The following TMEM132D variants were observed in gnomAD, a reference collection of about 807,000 sequenced individuals.
TMEM132D encodes mature OL transmembrane protein.
Under a neutral mutation model 62.3 loss-of-function variants are expected in TMEM132D, and 21 were observed. That is an observed-to-expected ratio of 0.34 (90% CI 0.24 to 0.49). The LOEUF is 0.49. Among genes scored for constraint, TMEM132D ranks in the 20% least tolerant of loss-of-function variants. The pLI is 0.99. For synonymous variants in TMEM132D, 621 were observed against 575.6 expected, an observed-to-expected ratio of 1.08 and a Z score of -1.13; for missense variants, 1,346 against 1,402.8, an observed-to-expected ratio of 0.96 and a Z score of 0.65.
In TMEM132D at chr12:129,408,000, C is replaced by T. The variant is rs182639792; in HGVS notation, c.1116-70183G>A. Among the ~76,000 whole-genome samples, 341 of 152,282 alleles carry T rather than the reference C, an allele frequency of 2.2e-3. 1 individual carries two copies. Among genetic ancestry groups the T allele is most frequent in the Non-Finnish European group, 2.7e-3 (186 of 68,026 alleles). On this transcript the variant is annotated intron_variant, in intron 3 of 8. Coordinates refer to ENST00000422113, the MANE Select transcript of TMEM132D (RefSeq NM_133448.3). ...CCTGTAGCCTAACTTCACCCCACCTCCTTCTTACCCTGGGGCTTCACTATA... is the reference window on the plus strand; with the variant it reads ...CCTGTAGCCTAACTTCACCCCACCTTCTTCTTACCCTGGGGCTTCACTATA...
At chr12:129,513,804 T>TTTTA (rs201593908) in intron 3 of TMEM132D, among the ~76,000 whole-genome samples, 28,474 of 133,884 alleles carry the variant, frequency 0.21, 3,440 homozygotes, top group Middle Eastern at 0.31. Flanking sequence ...CAATTTTTAT[T>TTTTA]TTTATTTATT....
intron 2 of TMEM132D, among the ~76,000 whole-genome samples, chr12:129,648,668 C>G (rs1429876492): frequency 1.3e-5 from 2 of 152,118 alleles, no homozygotes; most frequent in Non-Finnish European, 2.9e-5. Flanking sequence ...TATCTATGTT[C>G]AATTGGTATA....
intron 5 of TMEM132D, 53 bp from the exon 6 acceptor site, chr12:129,084,755 T>C (rs1264234192): frequency 8.3e-6 from 13 of 1,574,976 alleles, no homozygotes; most frequent in Non-Finnish European, 1.1e-5. Flanking sequence ...TTCATCCCGT[T>C]GCATGGCCCA....
At chr12:129,669,115 C>T (rs1880443424) in intron 2 of TMEM132D, among the ~76,000 whole-genome samples, 1 of 152,212 alleles carries the variant, frequency 6.6e-6, no homozygotes, top group Non-Finnish European at 1.5e-5. Flanking sequence ...AGAGTTCTAT[C>T]AAAGCCAATT....
intron 2 of TMEM132D, among the ~76,000 whole-genome samples, chr12:129,613,252 A>G (rs931190915): frequency 1.3e-5 from 2 of 151,898 alleles, no homozygotes; most frequent in Non-Finnish European, 2.9e-5. Flanking sequence ...TTCTATTATC[A>G]ATTTCTTAAT....
At chr12:129,399,700 A>G (rs1028251264) in intron 3 of TMEM132D, among the ~76,000 whole-genome samples, 4 of 152,238 alleles carry the variant, frequency 2.6e-5, no homozygotes, top group South Asian at 2.1e-4. Flanking sequence ...GGTTATAACA[A>G]TTATATACCT....
At chr12:129,205,450 A>G (rs546977161) in intron 5 of TMEM132D, among the ~76,000 whole-genome samples, 1 of 152,130 alleles carries the variant, frequency 6.6e-6, no homozygotes, top group Non-Finnish European at 1.5e-5. Context: ...ACATGGTTCA[A>G]TTCAATAAGA....
At chr12:129,283,542 G>A (rs957517081) in intron 4 of TMEM132D, among the ~76,000 whole-genome samples, 2 of 152,248 alleles carry the variant, frequency 1.3e-5, no homozygotes, top group South Asian at 2.1e-4. Flanking sequence ...TCTCATGCTT[G>A]CATAAATATA....
intron 2 of TMEM132D, among the ~76,000 whole-genome samples, chr12:129,613,412 C>T (rs1354570675): frequency 6.6e-6 from 1 of 152,160 alleles, no homozygotes; most frequent in East Asian, 1.9e-4. Flanking sequence ...ATGACAGACA[C>T]TCTCGTCTCA....
chr12:129,608,105 C>T (rs1878678235), intron 2 of TMEM132D, among the ~76,000 whole-genome samples: 2 of 152,162 alleles, frequency 1.3e-5, no homozygotes, highest in South Asian at 4.1e-4. Context: ...GGCTTTTAAA[C>T]TAAAATCACT....
intron 1 of TMEM132D, among the ~76,000 whole-genome samples, chr12:129,754,519 G>C (rs927396139): frequency 2.6e-5 from 4 of 152,112 alleles, no homozygotes; most frequent in Non-Finnish European, 5.9e-5. Flanking sequence ...ACACAGCCAG[G>C]GACCAGACAA....
chr12:129,616,122 C>T (rs1056475516), intron 2 of TMEM132D, among the ~76,000 whole-genome samples: 5 of 152,172 alleles, frequency 3.3e-5, no homozygotes, highest in African/African-American at 1.2e-4. Flanking sequence ...TGGGTAAATA[C>T]AGAAGAGAGC....
chr12:129,548,113 G>A (rs1300889815), intron 2 of TMEM132D, among the ~76,000 whole-genome samples: 1 of 152,182 alleles, frequency 6.6e-6, no homozygotes, highest in Non-Finnish European at 1.5e-5. Flanking sequence ...TGCACATTTA[G>A]TTGTCGCTTA....
chr12:129,809,055 C>T (rs1255833256), intron 1 of TMEM132D, among the ~76,000 whole-genome samples: 2 of 152,146 alleles, frequency 1.3e-5, no homozygotes, highest in East Asian at 3.9e-4. Context: ...CGCCTGTAAT[C>T]CCAGCACTCT....
intron 5 of TMEM132D, among the ~76,000 whole-genome samples, chr12:129,168,076 C>G (rs916991693): frequency 2.6e-5 from 4 of 152,162 alleles, no homozygotes; most frequent in African/African-American, 9.6e-5. Context: ...GATAAAATGA[C>G]AAGTTCAGAG....
At chr12:129,321,252 A>G (rs988775943) in intron 4 of TMEM132D, among the ~76,000 whole-genome samples, 2 of 152,204 alleles carry the variant, frequency 1.3e-5, no homozygotes, top group Non-Finnish European at 2.9e-5. Flanking sequence ...GTTTTAAAAC[A>G]TATTATCACT....
At chr12:129,878,261 T>C (rs1874491127) in intron 1 of TMEM132D, among the ~76,000 whole-genome samples, 1 of 152,228 alleles carries the variant, frequency 6.6e-6, no homozygotes, top group Non-Finnish European at 1.5e-5. Context: ...GTATCTATTC[T>C]CGACCTTCCT....
intron 2 of TMEM132D, among the ~76,000 whole-genome samples, chr12:129,568,355 C>G (rs1390027478): frequency 6.6e-6 from 1 of 152,200 alleles, no homozygotes; most frequent in Non-Finnish European, 1.5e-5. Flanking sequence ...TAATCCAACG[C>G]ACTGACAAAC....
At chr12:129,543,677 G>A (rs1370096866) in intron 2 of TMEM132D, among the ~76,000 whole-genome samples, 1 of 152,184 alleles carries the variant, frequency 6.6e-6, no homozygotes, top group Admixed American at 6.5e-5. Context: ...TCCAAGTATG[G>A]TTTTCACTGG....
Sources: allele counts gnomAD v4.1 joint callset (sites outside exome capture counted in the v4.1 genomes callset), GRCh38; gene constraint gnomAD v4.1.1; transcripts MANE v1.5; gene names NCBI Gene and HGNC (gene_info 2026-07-23, HGNC 2026-07-21).